Variants in SERINC3 observed in about 807,000 individuals in gnomAD.
SERINC3 encodes tumor differentially expressed protein 1.
A neutral mutation model predicts 52.1 loss-of-function variants in SERINC3; 22 were observed. The ratio of observed to expected loss-of-function variants is 0.42; its 90% CI spans 0.30 to 0.60. The LOEUF (loss-of-function observed/expected upper bound fraction) is 0.60, where lower values mean the gene tolerates loss of function less well. Among genes scored for constraint, SERINC3 ranks in the 20% least tolerant of loss-of-function variants. SERINC3 has a pLI of 0.16. For missense variants in SERINC3, 564 were observed against 584.6 expected, an observed-to-expected ratio of 0.96 and a Z score of 0.36; for synonymous variants, 226 against 212.7, an observed-to-expected ratio of 1.06 and a Z score of -0.54.
intron 1 of SERINC3, among the ~76,000 whole-genome samples, chr20:44,516,860 A>G (rs1316677213): frequency 6.6e-6 from 1 of 152,230 alleles, no homozygotes; most frequent in Non-Finnish European, 1.5e-5. Context: ...AAGAGAGGAT[A>G]TAATTTGAGT....
intron 9 of SERINC3, 97 bp downstream of exon 9, chr20:44,500,976 G>GT: frequency 1.2e-6 from 1 of 828,876 alleles, no homozygotes; most frequent in South Asian, 1.6e-5. Context: ...CATTATATGG[G>GT]TAAGAGCAAG....
chr20:44,510,326 G>A (rs962400787), intron 4 of SERINC3, among the ~76,000 whole-genome samples: 3 of 152,194 alleles, frequency 2.0e-5, no homozygotes, highest in South Asian at 2.1e-4. Context: ...CTGATGCCAT[G>A]CTTAGGAAGT....
At chr20:44,508,562 T>G (rs1011275805) in intron 5 of SERINC3, among the ~76,000 whole-genome samples, 1 of 151,504 alleles carries the variant, frequency 6.6e-6, no homozygotes, top group Non-Finnish European at 1.5e-5. Flanking sequence ...TGACCAACAC[T>G]AGGGTAAAGG....
rs1029294134 is a variant in SERINC3, at chr20:44,498,167, G to C, written c.*2129C>G. The C allele has an allele frequency of 2.9e-5, 4 of 140,048 alleles. No individual in the cohort carries two copies. Among genetic ancestry groups the C allele is most frequent in the Non-Finnish European group, 6.4e-5 (4 of 62,990 alleles). The allele number at this position is 140,048 out of a possible 1,614,324, so 8.7% of individuals were successfully genotyped here. A position where few individuals can be genotyped will look rare whatever the true frequency, so the allele number is the denominator to read the frequency against. On this transcript the variant is annotated 3_prime_UTR_variant, in exon 10 of 10. Coordinates refer to ENST00000342374, the MANE Select transcript of SERINC3 (RefSeq NM_006811.4). ...TACCTCCATTCTTCTTCGAACACATGTTTTTCCTGTTTGCCACCTGAATAC... is the reference window on the plus strand; with the variant it reads ...TACCTCCATTCTTCTTCGAACACATCTTTTTCCTGTTTGCCACCTGAATAC...
At chr20:44,506,745 A>C (rs1314331862) in intron 6 of SERINC3, 82 bp downstream of exon 6, 5 of 940,538 alleles carry the variant, frequency 5.3e-6, no homozygotes, top group Non-Finnish European at 7.5e-6. Context: ...ACTTAGACAT[A>C]AATTCATAAG....
chr20:44,499,099 T>C lies in SERINC3; in HGVS notation c.*1197A>G, dbSNP rs1487112185. On this transcript the variant is annotated 3_prime_UTR_variant, in exon 10 of 10. Coordinates refer to ENST00000342374, the MANE Select transcript of SERINC3 (RefSeq NM_006811.4). ...ACATTATAACCACCTGTCAGCTCAT[T>C]TGCTCTCTTCTCTAAGCTATTAAAG... 6.6e-6 allele frequency: 1 copy of C among 152,336 alleles called. No individual in the cohort carries two copies. The highest frequency in any genetic ancestry group is 1.5e-5 in the Non-Finnish European group (1 of 68,068). 9.4% of individuals were successfully genotyped at this position (152,336 alleles called of 1,614,324 possible). A position where few individuals can be genotyped will look rare whatever the true frequency, so the allele number is the denominator to read the frequency against.
Position 44,522,000 on chromosome 20 carries a change from C to T in SERINC3, c.-49G>A. On this transcript the variant is annotated 5_prime_UTR_variant, in exon 1 of 10. The change creates a new upstream start codon in the 5' untranslated region. Transcript: ENST00000342374. ...CCGGTCCTGAGGCTGCTTTCTAACA[C>T]GGTGGTAACTGCCAGCTGAGGTGAC... 3.2e-6 allele frequency: 5 copies of T among 1,567,302 alleles called. No individual in the cohort carries two copies. The South Asian group carries it at 4.7e-5, about 15-fold the overall frequency.
At position 44,511,342 on chromosome 20, in the gene SERINC3, A is replaced by G; in HGVS notation, c.422T>C (p.Leu141Pro). The change falls in exon 4 of 10, where the codon CTT (leucine) becomes CCT (proline). Residue 141 changes from leucine (L) to proline (P), a missense_variant. Coordinates refer to ENST00000342374, the MANE Select transcript of SERINC3 (RefSeq NM_006811.4). ...GAAAGAGCCAACCATGATTCCAATAAGGGCAGCAATTTTGAAGAACCAAAA... is the reference window on the plus strand; with the variant it reads ...GAAAGAGCCAACCATGATTCCAATAGGGGCAGCAATTTTGAAGAACCAAAA... ...NGFWFFKIAA[L>P]IGIMVGSFYI... The G allele has an allele frequency of 6.2e-7, 1 of 1,613,310 alleles. No homozygotes were observed. The highest frequency in any genetic ancestry group is 8.5e-7 in the Non-Finnish European group (1 of 1,179,220).
chr20:44,512,831 C>G lies in SERINC3; in HGVS notation c.365G>C (p.Ser122Thr), dbSNP rs1555830242. 1 of 1,575,728 alleles carries G rather than the reference C, an allele frequency of 6.3e-7. No individual in the cohort carries two copies. Among genetic ancestry groups the G allele is most frequent in the South Asian group, 1.2e-5 (1 of 82,916 alleles). The change falls in exon 3 of 10, where the codon AGT (serine) becomes ACT (threonine). Residue 122 changes from serine to threonine, a missense_variant. By Grantham distance (58) the Ser-to-Thr change is moderately conservative. Coordinates refer to ENST00000342374, the MANE Select transcript of SERINC3 (RefSeq NM_006811.4). ...FSLLMFKVKT[S>T]KDLRAAVHNG... ...GTGTACTGCCGCTCGGAGATCTTTA[C>G]TTGTTTTTACTTTGAACATGAGCAG...
intron 3 of SERINC3, among the ~76,000 whole-genome samples, chr20:44,512,457 G>A (rs1342821485): frequency 6.6e-6 from 1 of 151,886 alleles, no homozygotes; most frequent in Non-Finnish European, 1.5e-5. Context: ...AAATTTATCA[G>A]GTACATGTTT....
At chr20:44,518,313 A>G (rs919645894) in intron 1 of SERINC3, among the ~76,000 whole-genome samples, 11 of 93,536 alleles carry the variant, frequency 1.2e-4, no homozygotes, top group Admixed American at 5.1e-4. Context: ...ATGCAAAATT[A>G]GCCTCAAAAA....
downstream of SERINC3, among the ~76,000 whole-genome samples, chr20:44,496,551 T>G (rs1386734886): frequency 1.3e-5 from 2 of 152,212 alleles, no homozygotes; most frequent in Non-Finnish European, 2.9e-5. Flanking sequence ...CCCAACACTT[T>G]GGGAGGCTGA....
At chr20:44,497,158 T>C (rs1253574257), downstream of SERINC3, among the ~76,000 whole-genome samples, 10 of 152,168 alleles carry the variant, frequency 6.6e-5, no homozygotes. Flanking sequence ...TGATGAAACA[T>C]AAAGGTACTC....
In SERINC3 at chr20:44,521,250, C is replaced by T. The variant is rs117761431; in HGVS notation, c.39+663G>A. Among the ~76,000 whole-genome samples the T allele has an allele frequency of 4.1e-4, 63 of 152,272 alleles. 1 individual carries two copies. The East Asian group carries it at 0.012, about 29-fold the overall frequency. ...GGAACTCAGCATATTCTTTTATAGG[C>T]CCTATAATTTTCTCTTTAAAATGTT... On this transcript the variant is annotated intron_variant, in intron 1 of 9. Coordinates refer to ENST00000342374, the MANE Select transcript of SERINC3 (RefSeq NM_006811.4).
chr20:44,510,326 G>C (rs962400787), intron 4 of SERINC3, among the ~76,000 whole-genome samples: 2 of 152,194 alleles, frequency 1.3e-5, no homozygotes, highest in Non-Finnish European at 2.9e-5. Context: ...CTGATGCCAT[G>C]CTTAGGAAGT....
chr20:44,512,655 C>T lies in SERINC3; in HGVS notation c.395+146G>A, dbSNP rs141447751. On this transcript the variant is annotated intron_variant, in intron 3 of 9. Transcript: ENST00000342374. ...AATCTAACTGAAAATGACATTAAAA[C>T]AATTTCACATGCATAATAGATCAGA... 1.3e-4 allele frequency: 81 copies of T among 605,392 alleles called. No homozygotes were observed. The African/African-American group carries it at 1.4e-3, about 11-fold the overall frequency. The allele number at this position is 605,392 out of a possible 1,614,324, so 37.5% of individuals were successfully genotyped here. A position where few individuals can be genotyped will look rare whatever the true frequency, so the allele number is the denominator to read the frequency against.
chr20:44,506,923 G>A lies in SERINC3; in HGVS notation c.687C>T (p.Thr229=), dbSNP rs1308398913. 3.7e-6 allele frequency: 6 copies of A among 1,613,522 alleles called. No homozygotes were observed. The South Asian group carries it at 6.6e-5, about 18-fold the overall frequency. ...ICVGLLYTYY[T]KPDGCTENKF... is the part of the protein sequence containing the mutation. Reference sequence around the variant, plus strand: ...TGTTTTCTGTGCAGCCATCTGGTTTGGTGTAATATGTATAGAGCAGCCCGA... The same window carrying A: ...TGTTTTCTGTGCAGCCATCTGGTTTAGTGTAATATGTATAGAGCAGCCCGA... The change falls in exon 6 of 10, where the codon ACC becomes ACT. Residue 229 remains threonine, a synonymous_variant. Coordinates refer to ENST00000342374, the MANE Select transcript of SERINC3 (RefSeq NM_006811.4).
chr20:44,511,461 T>C, intron 3 of SERINC3, 93 bp from the exon 4 acceptor site: 1 of 778,150 alleles, frequency 1.3e-6, no homozygotes, highest in South Asian at 1.6e-5. Context: ...AATAACTTAA[T>C]AGCTTTTTTC....
rs187697627 is a variant in SERINC3, at chr20:44,512,891, C to G, written c.305G>C (p.Ser102Thr). 12 of 1,576,418 alleles carry G rather than the reference C, an allele frequency of 7.6e-6. No homozygotes were observed. In the African/African-American group the frequency reaches 1.2e-4, roughly 16 times the overall value. ...AAAGAAAAAGATGGCCATGGCAAAGCTGATCCGATACACAGCTTTATAACC... is the reference window on the plus strand; with the variant it reads ...AAAGAAAAAGATGGCCATGGCAAAGGTGATCCGATACACAGCTTTATAACC... Reference protein sequence around the residue: ...LVGYKAVYRISFAMAIFFFVF... With the variant: ...LVGYKAVYRITFAMAIFFFVF... Residue 102 changes from serine (S) to threonine (T), a missense_variant, in exon 3 of 10, where the codon AGC (serine) becomes ACC (threonine). Transcript: ENST00000342374.
Sources: gnomAD v4.1 joint callset for allele counts (sites outside exome capture counted in the v4.1 genomes callset) on GRCh38, gnomAD v4.1.1 for gene constraint, MANE v1.5 for transcripts, NCBI Gene and HGNC (gene_info 2026-07-23, HGNC 2026-07-21) for gene names.